The following THSD4 variants were observed in gnomAD, a reference collection of about 807,000 sequenced individuals.
The protein encoded by THSD4 is thrombospondin type 1 domain containing 4.
Under a neutral mutation model 119.0 loss-of-function variants are expected in THSD4, and 69 were observed. That is an observed-to-expected ratio of 0.58 (90% CI 0.48 to 0.71). THSD4 has a LOEUF of 0.71. Among genes scored for constraint, THSD4 ranks in the 30% least tolerant of loss-of-function variants. The pLI, the probability that THSD4 is intolerant of heterozygous loss-of-function variation, is 0.00. For synonymous variants in THSD4, 524 were observed against 540.4 expected (o/e 0.97, Z 0.42); for missense variants, 1,393 against 1,391.1 (o/e 1.00, Z -0.02).
At chr15:71,523,499 G>A (rs890749301) in intron 7 of THSD4, among the ~76,000 whole-genome samples, 2 of 152,204 alleles carry the variant, frequency 1.3e-5, no homozygotes, top group Non-Finnish European at 2.9e-5. Context: ...AATAAGGCCA[G>A]ATTCCAGGGA....
intron 6 of THSD4, among the ~76,000 whole-genome samples, chr15:71,292,378 C>T (rs1454629662): frequency 6.6e-6 from 1 of 152,112 alleles, no homozygotes; most frequent in Non-Finnish European, 1.5e-5. Context: ...TCCAATATTT[C>T]TTTGATACTT....
chr15:71,312,888 G>A (rs2045132053), intron 6 of THSD4, among the ~76,000 whole-genome samples: 1 of 152,048 alleles, frequency 6.6e-6, no homozygotes, highest in African/African-American at 2.4e-5. Flanking sequence ...GACCTTCACT[G>A]TCATACCTCA....
chr15:71,199,485 T>A (rs62016843), intron 3 of THSD4, among the ~76,000 whole-genome samples: 4 of 59,648 alleles, frequency 6.7e-5, no homozygotes, highest in Non-Finnish European at 1.3e-4. Context: ...TGTGTGTGTG[T>A]GGGGTGTGTG....
At chr15:71,630,914 G>A (rs545967358) in intron 7 of THSD4, among the ~76,000 whole-genome samples, 46 of 152,280 alleles carry the variant, frequency 3.0e-4, no homozygotes, top group Non-Finnish European at 5.7e-4. Context: ...GGTTCTTTGC[G>A]GTGGGGGCTG....
chr15:71,763,553 A>ATTTTTTTT (rs2053661484), intron 15 of THSD4, among the ~76,000 whole-genome samples: 1 of 124,306 alleles, frequency 8.0e-6, no homozygotes, highest in African/African-American at 5.1e-5. Flanking sequence ...TCTAAAAACA[A>ATTTTTTTT]ATTTTTTTTT....
chr15:71,493,259 T>A (rs2047951338), intron 7 of THSD4, among the ~76,000 whole-genome samples: 1 of 152,226 alleles, frequency 6.6e-6, no homozygotes, highest in Admixed American at 6.5e-5. Context: ...TAACACTGAA[T>A]TGTGAGACCA....
intron 8 of THSD4, among the ~76,000 whole-genome samples, chr15:71,682,588 C>G (rs1029394461): frequency 9.5e-6 from 1 of 105,384 alleles, no homozygotes; most frequent in Non-Finnish European, 2.1e-5. Flanking sequence ...TTTTTTTTTT[C>G]TCAACATTTT....
Position 71,530,922 on chromosome 15 carries a change from T to G in THSD4, c.1152+119099T>G, listed in dbSNP as rs375152721. Among the ~76,000 whole-genome samples, 250 of 150,822 alleles carry G rather than the reference T, an allele frequency of 1.7e-3. 15 individuals are homozygous for G. The South Asian group carries it at 0.052, about 31-fold the overall frequency. On this transcript the variant is annotated intron_variant, in intron 7 of 17. Transcript: ENST00000261862. Reference sequence around the variant, plus strand: ...GGTCTAGAAAGTGAAGTACAGGGGCTTAGAGAGAAATTAAATGGGGGGCGG... The same window carrying G: ...GGTCTAGAAAGTGAAGTACAGGGGCGTAGAGAGAAATTAAATGGGGGGCGG...
chr15:71,560,775 C>T (rs908819232), intron 7 of THSD4, among the ~76,000 whole-genome samples: 2 of 152,034 alleles, frequency 1.3e-5, no homozygotes, highest in African/African-American at 4.8e-5. Context: ...AAGTATGTTC[C>T]AGCCTTAACA....
chr15:71,766,368 T>C (rs2053717381), intron 16 of THSD4, among the ~76,000 whole-genome samples: 1 of 152,010 alleles, frequency 6.6e-6, no homozygotes, highest in Non-Finnish European at 1.5e-5. Context: ...TTCTCATCAC[T>C]GAAGATCTTC....
chr15:71,368,128 GTTGT>G (rs1337542095), intron 6 of THSD4, among the ~76,000 whole-genome samples: 35 of 152,222 alleles, frequency 2.3e-4, no homozygotes, highest in African/African-American at 7.7e-4. Flanking sequence ...TTTTGATGGG[GTTGT>G]TTGTTTTTTT....
intron 6 of THSD4, among the ~76,000 whole-genome samples, chr15:71,350,473 G>T (rs568839415): frequency 6.6e-6 from 1 of 151,988 alleles, no homozygotes; most frequent in Admixed American, 6.6e-5. Flanking sequence ...GCCAGTGACC[G>T]CTTAAGTGAC....
chr15:71,505,456 A>G (rs1037936444), intron 7 of THSD4, among the ~76,000 whole-genome samples: 3 of 152,254 alleles, frequency 2.0e-5, no homozygotes, highest in African/African-American at 7.2e-5. Flanking sequence ...AATTAGATAT[A>G]GAAAAGGAAC....
At chr15:71,135,365 A>AT (rs1358668160) in intron 1 of THSD4, among the ~76,000 whole-genome samples, 2 of 144,002 alleles carry the variant, frequency 1.4e-5, no homozygotes, top group African/African-American at 5.1e-5. Context: ...AAGTATAATA[A>AT]AAAAAAAAAA....
intron 6 of THSD4, among the ~76,000 whole-genome samples, chr15:71,380,996 T>A (rs1376678375): frequency 6.6e-6 from 1 of 152,202 alleles, no homozygotes; most frequent in Non-Finnish European, 1.5e-5. Context: ...CATCAGGTAG[T>A]GGAAATGCAC....
intron 8 of THSD4, among the ~76,000 whole-genome samples, chr15:71,726,675 C>T (rs1006141954): frequency 3.9e-5 from 6 of 152,272 alleles, no homozygotes; most frequent in South Asian, 2.1e-4. Flanking sequence ...CAGTGGCTCA[C>T]GCCTGTAATC....
chr15:71,149,281 T>C (rs2040696594), intron 2 of THSD4, among the ~76,000 whole-genome samples: 1 of 152,086 alleles, frequency 6.6e-6, no homozygotes, highest in African/African-American at 2.4e-5. Flanking sequence ...AGTCTCGCTG[T>C]GTTGCCCAGG....
At chr15:71,365,129 C>A (rs1040911278) in intron 6 of THSD4, among the ~76,000 whole-genome samples, 2 of 60,916 alleles carry the variant, frequency 3.3e-5, no homozygotes, top group Non-Finnish European at 8.0e-5. Context: ...CTGCCCCCCC[C>A]ATTGTGTGTG....
chr15:71,576,182 AT>A (rs2049445967), intron 7 of THSD4, among the ~76,000 whole-genome samples: 1 of 152,150 alleles, frequency 6.6e-6, no homozygotes, highest in African/African-American at 2.4e-5. Context: ...CTTTTTGGAA[AT>A]TTTGTTCTAT....
Sources: allele counts gnomAD v4.1 joint callset (sites outside exome capture counted in the v4.1 genomes callset), GRCh38; gene constraint gnomAD v4.1.1; transcripts MANE v1.5; gene names NCBI Gene and HGNC (gene_info 2026-07-23, HGNC 2026-07-21).